The following CEP83 variants were observed in gnomAD, a reference collection of about 807,000 sequenced individuals.
CEP83 encodes the protein centrosomal protein 83.
Under a neutral mutation model 101.9 loss-of-function variants are expected in CEP83, and 70 were observed. That is an observed-to-expected ratio of 0.69 (90% CI 0.57 to 0.84). The LOEUF is 0.84. Among genes scored for constraint, CEP83 ranks in the 40% least tolerant of loss-of-function variants. The probability of loss-of-function intolerance (pLI) is 0.00; values close to 1 mark genes in which losing one functional copy is unlikely to be tolerated. For synonymous variants in CEP83, 264 were observed against 267.9 expected, an observed-to-expected ratio of 0.99 and a Z score of 0.14; for missense variants, 715 against 787.2, an observed-to-expected ratio of 0.91 and a Z score of 1.10.
intron 6 of CEP83, among the ~76,000 whole-genome samples, chr12:94,389,034 G>A (rs898717350): frequency 2.6e-5 from 4 of 152,174 alleles, no homozygotes; most frequent in Non-Finnish European, 4.4e-5. Flanking sequence ...GGCTGAGGCA[G>A]GAGAATTGCT....
chr12:94,318,773 T>C (rs935272486), intron 14 of CEP83, among the ~76,000 whole-genome samples: 2 of 152,160 alleles, frequency 1.3e-5, no homozygotes, highest in Non-Finnish European at 2.9e-5. Context: ...TACATAATCA[T>C]GGTAGATTAG....
chr12:94,345,681 G>A (rs1238786146), intron 11 of CEP83, among the ~76,000 whole-genome samples: 4 of 152,240 alleles, frequency 2.6e-5, no homozygotes, highest in Non-Finnish European at 4.4e-5. Context: ...CATAAGACCC[G>A]CATTTCTGAA....
At chr12:94,413,641 T>C (rs2064050096) in intron 2 of CEP83, among the ~76,000 whole-genome samples, 1 of 152,174 alleles carries the variant, frequency 6.6e-6, no homozygotes, top group East Asian at 1.9e-4. Context: ...CTATGTGTTA[T>C]ACACTGTGTT....
chr12:94,282,220 T>C, the CEP83 span: 3 of 916,988 alleles, frequency 3.3e-6, no homozygotes, highest in Admixed American at 3.8e-5. Flanking sequence ...ATTCAAGTTT[T>C]AGTTATCCAT....
rs374700041 is a variant in CEP83, at chr12:94,342,427, A to C, written c.1344-6763T>G. ...AAGCAAAGAGAACAAATAAAGCCACACAAAACCATACCCTTAGCATAACTG... is the reference window on the plus strand; with the variant it reads ...AAGCAAAGAGAACAAATAAAGCCACCCAAAACCATACCCTTAGCATAACTG... On this transcript the variant is annotated intron_variant, in intron 11 of 16. Transcript: ENST00000397809. 4.2e-4 allele frequency among the ~76,000 whole-genome samples: 64 copies of C among 152,296 alleles called. 2 individuals are homozygous for C. In the East Asian group the frequency reaches 0.012, roughly 28 times the overall value.
At chr12:94,307,255 A>C (rs1411181911), downstream of CEP83, 1 of 151,780 alleles carries the variant, frequency 6.6e-6, no homozygotes, top group Admixed American at 6.6e-5. Context: ...TAATATTTCT[A>C]AGCTACCTCA....
At chr12:94,416,652 T>C (rs2064298525) in intron 2 of CEP83, among the ~76,000 whole-genome samples, 1 of 150,396 alleles carries the variant, frequency 6.6e-6, no homozygotes, top group Non-Finnish European at 1.5e-5. Context: ...TGTAATAAAA[T>C]ACCCTAATAC....
intron 1 of CEP83, among the ~76,000 whole-genome samples, chr12:94,447,089 T>C (rs527561104): frequency 2.6e-5 from 4 of 152,302 alleles, no homozygotes; most frequent in Admixed American, 6.5e-5. Context: ...AAAACTGCCC[T>C]TCAAAAATGA....
At chr12:94,367,659 T>C in intron 11 of CEP83, 135 bp downstream of exon 11, 3 of 466,578 alleles carry the variant, frequency 6.4e-6, no homozygotes, top group Non-Finnish European at 1.1e-5. Context: ...TATTATAATA[T>C]GGTTACATAG....
chr12:94,412,070 T>C (rs2063917881), intron 3 of CEP83, among the ~76,000 whole-genome samples: 1 of 152,204 alleles, frequency 6.6e-6, no homozygotes, highest in South Asian at 2.1e-4. Flanking sequence ...TTTAGCCATC[T>C]GGATACATTT....
At chr12:94,365,487 G>A (rs1370065162) in intron 11 of CEP83, among the ~76,000 whole-genome samples, 4 of 152,114 alleles carry the variant, frequency 2.6e-5, no homozygotes, top group Non-Finnish European at 5.9e-5. Flanking sequence ...AAATACTGGA[G>A]GCCAGGTGCA....
intron 14 of CEP83, among the ~76,000 whole-genome samples, chr12:94,314,944 T>C (rs1384268297): frequency 6.6e-6 from 1 of 152,242 alleles, no homozygotes; most frequent in Non-Finnish European, 1.5e-5. Flanking sequence ...ACAGTACTTC[T>C]TTTTCATTGC....
intron 14 of CEP83, among the ~76,000 whole-genome samples, chr12:94,323,258 C>G (rs752591826): frequency 3.9e-5 from 6 of 152,072 alleles, no homozygotes; most frequent in Non-Finnish European, 7.4e-5. Context: ...GATGGGAAAC[C>G]TGGGTATCTA....
chr12:94,386,848 C>T (rs1180348008), intron 6 of CEP83, among the ~76,000 whole-genome samples: 5 of 152,136 alleles, frequency 3.3e-5, no homozygotes, highest in Non-Finnish European at 7.3e-5. Flanking sequence ...GATTATCTAA[C>T]TCCTAGCATT....
At chr12:94,409,642 C>T (rs536042289) in intron 4 of CEP83, among the ~76,000 whole-genome samples, 91 of 152,218 alleles carry the variant, frequency 6.0e-4, no homozygotes, top group South Asian at 1.2e-3. Context: ...ATACCAGAAA[C>T]GACGCAGCTT....
chr12:94,338,229 A>G lies in CEP83; in HGVS notation c.1344-2565T>C, dbSNP rs530966652. Among the ~76,000 whole-genome samples, 5 of 152,346 alleles carry G rather than the reference A, an allele frequency of 3.3e-5. No homozygotes were observed. The East Asian group carries it at 9.6e-4, about 29-fold the overall frequency. On this transcript the variant is annotated intron_variant, in intron 11 of 16. Transcript: ENST00000397809. ...GGCTAAGGTGTTGGGTAGTTCAACA[A>G]TATGAATACATAGTCACCAAGAATG... is the stretch of plus-strand genomic sequence containing the variant.
intron 11 of CEP83, among the ~76,000 whole-genome samples, chr12:94,357,872 T>C (rs1372799210): frequency 6.6e-6 from 1 of 152,222 alleles, no homozygotes; most frequent in Non-Finnish European, 1.5e-5. Context: ...CAGCTCCTGA[T>C]TGTGCCGTAT....
chr12:94,324,935 G>A (rs2058904053), intron 14 of CEP83, among the ~76,000 whole-genome samples: 1 of 152,026 alleles, frequency 6.6e-6, no homozygotes, highest in Non-Finnish European at 1.5e-5. Context: ...CATAAATTTG[G>A]CCTCCTACTA....
At chr12:94,288,789 G>A in the CEP83 span, among the ~76,000 whole-genome samples, 5 of 152,248 alleles carry the variant, frequency 3.3e-5, no homozygotes, top group Non-Finnish European at 5.9e-5. Flanking sequence ...ATATTGGCAC[G>A]TGGCTGCTGG....
Sources: gnomAD v4.1 joint callset for allele counts (sites outside exome capture counted in the v4.1 genomes callset) on GRCh38, gnomAD v4.1.1 for gene constraint, MANE v1.5 for transcripts, NCBI Gene and HGNC (gene_info 2026-07-23, HGNC 2026-07-21) for gene names.